SUGCT: variants seen among roughly 807,000 people sequenced by gnomAD.
The protein encoded by SUGCT is succinyl-CoA:glutarate CoA-transferase.
A neutral mutation model predicts 55.0 loss-of-function variants in SUGCT; 41 were observed. The ratio of observed to expected loss-of-function variants is 0.74; its 90% CI spans 0.58 to 0.97. The LOEUF (loss-of-function observed/expected upper bound fraction) is 0.97, where lower values mean the gene tolerates loss of function less well. Among genes scored for constraint, SUGCT ranks in the 50% least tolerant of loss-of-function variants. SUGCT has a pLI of 0.00. For missense variants in SUGCT, 568 were observed against 547.8 expected, an observed-to-expected ratio of 1.04 and a Z score of -0.37; for synonymous variants, 187 against 200.4, an observed-to-expected ratio of 0.93 and a Z score of 0.56.
At chr7:40,187,087 A>G (rs951799125) in intron 3 of SUGCT, among the ~76,000 whole-genome samples, 8 of 152,196 alleles carry the variant, frequency 5.3e-5, no homozygotes, top group Non-Finnish European at 1.2e-4. Flanking sequence ...CATATACACC[A>G]TGGAATACTA....
At chr7:40,265,463 C>T (rs77397100) in intron 7 of SUGCT, among the ~76,000 whole-genome samples, 5,634 of 152,072 alleles carry the variant, frequency 0.037, 364 homozygotes, top group African/African-American at 0.13. Context: ...TCCCTCTCTC[C>T]CCCCTCCTTC....
the SUGCT span, among the ~76,000 whole-genome samples, chr7:41,004,922 A>T: frequency 1.6e-4 from 24 of 152,182 alleles, no homozygotes; most frequent in Non-Finnish European, 3.2e-4. Context: ...TAGAGACAAT[A>T]TGTTTATTGT....
At chr7:40,345,392 T>C (rs1008323260) in intron 9 of SUGCT, among the ~76,000 whole-genome samples, 1 of 152,210 alleles carries the variant, frequency 6.6e-6, no homozygotes, top group African/African-American at 2.4e-5. Flanking sequence ...ATACATGGTA[T>C]CATTTTGTAT....
chr7:40,995,021 C>A, the SUGCT span, among the ~76,000 whole-genome samples: 33 of 152,210 alleles, frequency 2.2e-4, no homozygotes, highest in African/African-American at 7.7e-4. Flanking sequence ...ACTACCCAGT[C>A]TTAGGTATTC....
chr7:40,361,732 G>A (rs943085709), intron 9 of SUGCT, among the ~76,000 whole-genome samples: 9 of 152,142 alleles, frequency 5.9e-5, no homozygotes. Flanking sequence ...GATAAAGGCA[G>A]TGGTAACTGG....
intron 12 of SUGCT, among the ~76,000 whole-genome samples, chr7:40,743,060 T>G (rs1039057609): frequency 6.6e-6 from 1 of 152,208 alleles, no homozygotes; most frequent in Non-Finnish European, 1.5e-5. Flanking sequence ...CATGCCCATG[T>G]TTTTTGGCTT....
the SUGCT span, among the ~76,000 whole-genome samples, chr7:40,944,052 G>T: frequency 2.6e-5 from 4 of 151,846 alleles, no homozygotes; most frequent in Admixed American, 2.0e-4. Flanking sequence ...ATTTTTTCAT[G>T]TGTCTTTTGG....
intron 12 of SUGCT, among the ~76,000 whole-genome samples, chr7:40,705,725 C>T (rs897663230): frequency 1.3e-5 from 2 of 152,206 alleles, no homozygotes; most frequent in Admixed American, 6.5e-5. Context: ...GACCACTTAA[C>T]TGTGCTGCTG....
chr7:40,366,388 G>C (rs1156856749), intron 9 of SUGCT, among the ~76,000 whole-genome samples: 2 of 152,014 alleles, frequency 1.3e-5, no homozygotes, highest in African/African-American at 4.8e-5. Context: ...CAAAAGCAAT[G>C]GCAACAAAAG....
At chr7:40,234,193 A>C (rs1300651935) in intron 6 of SUGCT, among the ~76,000 whole-genome samples, 2 of 152,196 alleles carry the variant, frequency 1.3e-5, no homozygotes, top group African/African-American at 2.4e-5. Flanking sequence ...GAAGCACCTG[A>C]TTTTCCGAAC....
chr7:40,149,776 A>G (rs927846814), intron 1 of SUGCT, among the ~76,000 whole-genome samples: 2 of 152,130 alleles, frequency 1.3e-5, no homozygotes, highest in Non-Finnish European at 2.9e-5. Context: ...AAAATTAGCC[A>G]GGCATGATGG....
At chr7:40,566,715 G>A (rs1012434288) in intron 12 of SUGCT, among the ~76,000 whole-genome samples, 10 of 152,130 alleles carry the variant, frequency 6.6e-5, no homozygotes, top group African/African-American at 2.2e-4. Flanking sequence ...GGTATAACCC[G>A]TGAGCAGGTT....
At position 40,338,724 on chromosome 7, in the gene SUGCT, G is replaced by A. The variant is rs562258375; in HGVS notation, c.816+21869G>A. 5.3e-5 allele frequency among the ~76,000 whole-genome samples: 8 copies of A among 152,086 alleles called. No individual in the cohort carries two copies. The South Asian group carries it at 8.3e-4, about 16-fold the overall frequency. ...TGCTTTAGCTTGGAGAAGTTTGATCGTCTGAAGCCTTCTCCTCTCAACTCG... is the reference window on the plus strand; with the variant it reads ...TGCTTTAGCTTGGAGAAGTTTGATCATCTGAAGCCTTCTCCTCTCAACTCG... On this transcript the variant is annotated intron_variant, in intron 9 of 13. Transcript: ENST00000335693.
chr7:40,693,630 G>C (rs1784791160), intron 12 of SUGCT, among the ~76,000 whole-genome samples: 1 of 152,066 alleles, frequency 6.6e-6, no homozygotes, highest in Non-Finnish European at 1.5e-5. Context: ...GAATCACCTG[G>C]ACATATTTGC....
At chr7:40,366,661 A>G (rs1783991154) in intron 9 of SUGCT, among the ~76,000 whole-genome samples, 1 of 152,322 alleles carries the variant, frequency 6.6e-6, no homozygotes, top group East Asian at 1.9e-4. Flanking sequence ...GACACATGAA[A>G]AAATGCTCAT....
chr7:40,259,819 G>A (rs922631887), intron 7 of SUGCT, among the ~76,000 whole-genome samples: 19 of 152,026 alleles, frequency 1.2e-4, no homozygotes, highest in Admixed American at 5.2e-4. Flanking sequence ...GACCTTATTA[G>A]ATCTTTTAAT....
At chr7:40,273,272 A>G (rs1380004032) in intron 7 of SUGCT, among the ~76,000 whole-genome samples, 2 of 152,210 alleles carry the variant, frequency 1.3e-5, no homozygotes, top group East Asian at 3.9e-4. Context: ...TGCTTTAAAC[A>G]TTATTTTGCA....
the SUGCT span, among the ~76,000 whole-genome samples, chr7:40,880,772 A>T: frequency 6.6e-6 from 1 of 152,202 alleles, no homozygotes. Context: ...CCAATGTTTC[A>T]TGACAGGAAA....
chr7:40,428,114 G>A (rs1285328822), intron 9 of SUGCT, among the ~76,000 whole-genome samples: 4 of 152,032 alleles, frequency 2.6e-5, no homozygotes, highest in Admixed American at 1.3e-4. Context: ...TGACCCTTTT[G>A]TTCTGTAATG....
Sources: gnomAD v4.1 joint callset for allele counts (sites outside exome capture counted in the v4.1 genomes callset) on GRCh38, gnomAD v4.1.1 for gene constraint, MANE v1.5 for transcripts, NCBI Gene and HGNC (gene_info 2026-07-23, HGNC 2026-07-21) for gene names.